SORCS2: variants seen among roughly 807,000 people sequenced by gnomAD.
SORCS2 encodes the protein VPS10 domain-containing receptor SorCS2.
In SORCS2, 100 loss-of-function variants were observed where a neutral mutation model predicts 141.6. The ratio of observed to expected loss-of-function variants is 0.71; its 90% CI spans 0.60 to 0.83. The LOEUF (loss-of-function observed/expected upper bound fraction) is 0.83. Ranked by LOEUF, SORCS2 falls within the 40% of genes least tolerant of loss-of-function variation. The probability of loss-of-function intolerance (pLI) is 0.00; values close to 1 mark genes in which losing one functional copy is unlikely to be tolerated. For missense variants in SORCS2, 1,646 were observed against 1,560.2 expected, an observed-to-expected ratio of 1.05 and a Z score of -0.93; for synonymous variants, 789 against 676.9, an observed-to-expected ratio of 1.17 and a Z score of -2.57.
At chr4:7,283,696 G>A (rs901707555) in intron 1 of SORCS2, among the ~76,000 whole-genome samples, 8 of 152,130 alleles carry the variant, frequency 5.3e-5, no homozygotes, top group South Asian at 2.1e-4. Context: ...AGCACTGTGC[G>A]GTGGGCAGTT....
intron 1 of SORCS2, among the ~76,000 whole-genome samples, chr4:7,294,044 G>C (rs1286479053): frequency 6.6e-6 from 1 of 152,158 alleles, no homozygotes; most frequent in African/African-American, 2.4e-5. Context: ...CTAGTGGCGT[G>C]TCCTACCTTC....
Position 7,232,212 on chromosome 4 carries a change from T to TG in SORCS2, c.480+39090dup, listed in dbSNP as rs35505156. 8.3e-3 allele frequency among the ~76,000 whole-genome samples: 1,256 copies of TG among 151,776 alleles called. 39 individuals are homozygous for TG. The highest frequency in any genetic ancestry group is 0.059 in the East Asian group (303 of 5,136). ...CTGTGGGAGTAGCCTAGGGGAGCAGTGGGGAGGCCTGGGCTTTGGCAGGAT... is the reference window on the plus strand; with the variant it reads ...CTGTGGGAGTAGCCTAGGGGAGCAGTGGGGGAGGCCTGGGCTTTGGCAGGAT... On this transcript the variant is annotated intron_variant, in intron 1 of 26. Coordinates refer to ENST00000507866, the MANE Select transcript of SORCS2 (RefSeq NM_020777.3).
At chr4:7,634,773 C>T (rs79777649) in intron 3 of SORCS2, among the ~76,000 whole-genome samples, 1,823 of 152,264 alleles carry the variant, frequency 0.012, 32 homozygotes, top group African/African-American at 0.041. Context: ...GGATCCTGGC[C>T]GGGAAGGGCA....
chr4:7,618,431 G>A (rs1173000567), intron 3 of SORCS2, among the ~76,000 whole-genome samples: 1 of 152,098 alleles, frequency 6.6e-6, no homozygotes, highest in African/African-American at 2.4e-5. Context: ...GGGAAATCAG[G>A]TTGCATCTCC....
intron 1 of SORCS2, among the ~76,000 whole-genome samples, chr4:7,292,679 G>A (rs1458947985): frequency 6.6e-6 from 1 of 152,190 alleles, no homozygotes; most frequent in East Asian, 1.9e-4. Flanking sequence ...GGTGACATCT[G>A]TCTGCCTGTG....
At chr4:7,454,724 G>A in intron 2 of SORCS2, among the ~76,000 whole-genome samples, 1 of 112,674 alleles carries the variant, frequency 8.9e-6, no homozygotes, top group Admixed American at 9.1e-5. Flanking sequence ...GTCAGGAGCT[G>A]TGTGTTGGGG....
intron 1 of SORCS2, among the ~76,000 whole-genome samples, chr4:7,256,649 C>T (rs888387242): frequency 3.3e-5 from 5 of 151,770 alleles, no homozygotes; most frequent in African/African-American, 1.2e-4. Context: ...CCCCAAATCT[C>T]GGATGCGAAC....
At chr4:7,432,559 C>A (rs1317439492) in intron 2 of SORCS2, 6 of 152,128 alleles carry the variant, frequency 3.9e-5, no homozygotes, top group African/African-American at 1.4e-4. Context: ...TTCCCGGGAG[C>A]TTTTGCCTGG....
rs571688736 is a variant in SORCS2 at position 7,303,977 on chromosome 4, A to G, written c.481-92311A>G. ...CCCTGCACATGTGTGATTTTGTGGGATCCTCCTAAGAACTGTGAGAAGCAG... is the reference window on the plus strand; with the variant it reads ...CCCTGCACATGTGTGATTTTGTGGGGTCCTCCTAAGAACTGTGAGAAGCAG... On this transcript the variant is annotated intron_variant, in intron 1 of 26. Coordinates refer to ENST00000507866, the MANE Select transcript of SORCS2 (RefSeq NM_020777.3). 5.3e-5 allele frequency among the ~76,000 whole-genome samples: 8 copies of G among 152,368 alleles called. No homozygotes were observed. The South Asian group carries it at 1.7e-3, about 32-fold the overall frequency.
chr4:7,530,153 A>T (rs547801917), intron 2 of SORCS2, among the ~76,000 whole-genome samples: 80 of 152,308 alleles, frequency 5.3e-4, no homozygotes, highest in African/African-American at 1.9e-3. Context: ...ACCACCAAAG[A>T]TGTGTTCTAG....
In SORCS2 at chr4:7,252,396, G is replaced by C. The variant is rs533542045; in HGVS notation, c.480+59270G>C. On this transcript the variant is annotated intron_variant, in intron 1 of 26. Coordinates refer to ENST00000507866, the MANE Select transcript of SORCS2 (RefSeq NM_020777.3). Reference sequence around the variant, plus strand: ...CAGGGGCCGGCAGTGCATGGGTTTAGAGCAAACCGCAAGACTCTGGGGGCT... The same window carrying C: ...CAGGGGCCGGCAGTGCATGGGTTTACAGCAAACCGCAAGACTCTGGGGGCT... Among the ~76,000 whole-genome samples the C allele has an allele frequency of 4.6e-5, 7 of 152,338 alleles. 1 individual carries two copies. In the East Asian group the frequency reaches 1.4e-3, roughly 29 times the overall value.
At chr4:7,738,319 C>T (rs1426226151) in intron 26 of SORCS2, among the ~76,000 whole-genome samples, 5 of 152,248 alleles carry the variant, frequency 3.3e-5, no homozygotes, top group African/African-American at 1.2e-4. Context: ...TGGGCACTTT[C>T]CATGCCTGTC....
At chr4:7,204,889 G>A (rs967104754) in intron 1 of SORCS2, among the ~76,000 whole-genome samples, 1 of 152,204 alleles carries the variant, frequency 6.6e-6, no homozygotes, top group Non-Finnish European at 1.5e-5. Context: ...GGCATTGCTC[G>A]GCGCGGCCGC....
At chr4:7,404,255 C>A (rs141407566) in intron 2 of SORCS2, among the ~76,000 whole-genome samples, 1 of 151,972 alleles carries the variant, frequency 6.6e-6, no homozygotes, top group Non-Finnish European at 1.5e-5. Context: ...TTGATAGACA[C>A]TTGAGTTGAT....
chr4:7,669,110 C>G (rs1363183842), intron 8 of SORCS2, among the ~76,000 whole-genome samples: 1 of 152,154 alleles, frequency 6.6e-6, no homozygotes, highest in Non-Finnish European at 1.5e-5. Context: ...CGCTGTGGAC[C>G]CTTGACAGTG....
At chr4:7,247,644 G>T (rs28412446) in intron 1 of SORCS2, among the ~76,000 whole-genome samples, 20,461 of 152,106 alleles carry the variant, frequency 0.13, 2,279 homozygotes, top group African/African-American at 0.31. Flanking sequence ...AGCGCTTTTT[G>T]TTTTGGTGGA....
chr4:7,614,961 A>G (rs191626094), intron 3 of SORCS2, among the ~76,000 whole-genome samples: 2 of 152,036 alleles, frequency 1.3e-5, no homozygotes, highest in East Asian at 3.9e-4. Context: ...CCATTCACCC[A>G]TAATCCAGGG....
intron 2 of SORCS2, among the ~76,000 whole-genome samples, chr4:7,414,634 A>G (rs1307838289): frequency 1.3e-5 from 2 of 152,246 alleles, no homozygotes; most frequent in Non-Finnish European, 2.9e-5. Context: ...ATAATTCTAC[A>G]GAAGTAAAAA....
At chr4:7,502,237 G>A (rs1277370469) in intron 2 of SORCS2, among the ~76,000 whole-genome samples, 2 of 152,212 alleles carry the variant, frequency 1.3e-5, no homozygotes, top group Non-Finnish European at 2.9e-5. Context: ...CCCCGTGAGA[G>A]CCGGAGGGAG....
Sources: gnomAD v4.1 joint callset for allele counts (sites outside exome capture counted in the v4.1 genomes callset) on GRCh38, gnomAD v4.1.1 for gene constraint, MANE v1.5 for transcripts, NCBI Gene and HGNC (gene_info 2026-07-23, HGNC 2026-07-21) for gene names.